NRF1: variants seen among roughly 807,000 people sequenced by gnomAD.
NRF1 encodes alpha palindromic-binding protein.
NRF1 carries 5 observed loss-of-function variants against 58.5 expected under a neutral mutation model. The ratio of observed to expected loss-of-function variants is 0.09; its 90% CI spans 0.04 to 0.18. The LOEUF (loss-of-function observed/expected upper bound fraction) is 0.18. Among genes scored for constraint, NRF1 ranks in the 10% least tolerant of loss-of-function variants. NRF1 has a pLI of 1.00. For missense variants in NRF1, 288 were observed against 657.7 expected (o/e 0.44, Z 6.15); for synonymous variants, 224 against 246.7 (o/e 0.91, Z 0.86).
chr7:129,709,022 A>G, intron 5 of NRF1, 53 bp from the exon 6 acceptor site: 5 of 1,341,838 alleles, frequency 3.7e-6, no homozygotes, highest in Non-Finnish European at 2.9e-6. Context: ...GGAGTCATAA[A>G]CACACCCCAG....
intron 10 of NRF1, among the ~76,000 whole-genome samples, chr7:129,747,771 T>TG (rs1248723197): frequency 6.6e-6 from 1 of 152,208 alleles, no homozygotes; most frequent in African/African-American, 2.4e-5. Context: ...AAAATGCACC[T>TG]GATCTGCAGC....
chr7:129,633,969 C>T (rs1801108166), intron 1 of NRF1, among the ~76,000 whole-genome samples: 1 of 149,568 alleles, frequency 6.7e-6, no homozygotes, highest in Admixed American at 6.7e-5. Context: ...GCCTGAAAAT[C>T]CCTGTACCCC....
chr7:129,647,404 C>CTT (rs1274782003), intron 1 of NRF1, among the ~76,000 whole-genome samples: 28 of 131,570 alleles, frequency 2.1e-4, no homozygotes, highest in African/African-American at 4.5e-4. Context: ...TCTTTTCTTG[C>CTT]TTTTTTTTTT....
rs67190499 is a variant in NRF1, at chr7:129,619,490, G to GTATATATATA, written c.-7+7680_-7+7689dup. On this transcript the variant is annotated intron_variant, in intron 1 of 10. Transcript: ENST00000393232. ...TGTGTGTGTGTGTGTGTGTGTGTGT[G>GTATATATATA]TATATATATATATATATATATATGT... Among the ~76,000 whole-genome samples the GTATATATATA allele has an allele frequency of 2.3e-3, 112 of 48,512 alleles. 1 individual carries two copies. The highest frequency in any genetic ancestry group is 7.0e-3 in the African/African-American group (70 of 9,964). The allele number at this position is 48,512 out of a possible 152,430, so 31.8% of individuals were successfully genotyped here.
intron 5 of NRF1, among the ~76,000 whole-genome samples, chr7:129,699,225 C>G (rs565697116): frequency 6.6e-6 from 1 of 152,182 alleles, no homozygotes; most frequent in Non-Finnish European, 1.5e-5. Flanking sequence ...GTTATTCACA[C>G]GGCTTTTGAG....
At chr7:129,671,279 G>A (rs1562965873) in intron 2 of NRF1, 150 bp from the exon 3 acceptor site, 1 of 530,650 alleles carries the variant, frequency 1.9e-6, no homozygotes, top group Non-Finnish European at 3.3e-6. Context: ...TTAAACAATA[G>A]TGAAGTATAT....
At chr7:129,730,046 G>A (rs1803541829) in intron 10 of NRF1, among the ~76,000 whole-genome samples, 1 of 152,104 alleles carries the variant, frequency 6.6e-6, no homozygotes, top group Non-Finnish European at 1.5e-5. Context: ...GACTGGTCTT[G>A]AACTCTGGCC....
chr7:129,632,529 C>G (rs936619055), intron 1 of NRF1, among the ~76,000 whole-genome samples: 11 of 152,038 alleles, frequency 7.2e-5, no homozygotes, highest in African/African-American at 2.7e-4. Context: ...GGCACCCCTT[C>G]CCCATCCTAG....
chr7:129,744,804 T>G (rs1347132260), intron 10 of NRF1, among the ~76,000 whole-genome samples: 1 of 152,160 alleles, frequency 6.6e-6, no homozygotes, highest in Non-Finnish European at 1.5e-5. Flanking sequence ...TTTTGTGGTT[T>G]TTTTCCTAAA....
At chr7:129,713,509 C>A (rs1584664918) in intron 8 of NRF1, among the ~76,000 whole-genome samples, 1 of 152,090 alleles carries the variant, frequency 6.6e-6, no homozygotes, top group East Asian at 1.9e-4. Context: ...GTCAGTTTAC[C>A]TTAAATATGG....
intron 1 of NRF1, among the ~76,000 whole-genome samples, chr7:129,655,751 A>G (rs1259989848): frequency 6.6e-6 from 1 of 152,078 alleles, no homozygotes; most frequent in African/African-American, 2.4e-5. Context: ...CGAACTCCCT[A>G]CCTCAGGTGA....
intron 5 of NRF1, among the ~76,000 whole-genome samples, chr7:129,701,628 A>C (rs1802827814): frequency 6.6e-6 from 1 of 151,760 alleles, no homozygotes; most frequent in Admixed American, 6.6e-5. Context: ...AAAGAGAGAA[A>C]ACTTGGTAAT....
chr7:129,687,528 G>A lies in NRF1; in HGVS notation c.466-2878G>A, dbSNP rs974417178. On this transcript the variant is annotated intron_variant, in intron 4 of 10. Coordinates refer to ENST00000393232, the MANE Select transcript of NRF1 (RefSeq NM_005011.5). ...TGACCTCAGGTGATCTGCCCGCCTC[G>A]GCCTCCCAAAGTGCTGGGATTACAG... Among the ~76,000 whole-genome samples, 28 of 152,144 alleles carry A rather than the reference G, an allele frequency of 1.8e-4. 1 individual carries two copies. The highest frequency in any genetic ancestry group is 6.2e-4 in the South Asian group (3 of 4,808).
intron 1 of NRF1, among the ~76,000 whole-genome samples, chr7:129,648,048 A>G (rs1801449164): frequency 6.6e-6 from 1 of 152,216 alleles, no homozygotes; most frequent in African/African-American, 2.4e-5. Context: ...AAGTCAAAGT[A>G]ATACATTCAT....
At chr7:129,735,092 T>TC (rs1235115051) in intron 10 of NRF1, 1 of 985,204 alleles carries the variant, frequency 1.0e-6, no homozygotes, top group Non-Finnish European at 1.2e-6. Flanking sequence ...TTGCTTGGGG[T>TC]CCCCCAGAGA....
chr7:129,618,401 A>G (rs1027395963), intron 1 of NRF1, among the ~76,000 whole-genome samples: 4 of 152,346 alleles, frequency 2.6e-5, no homozygotes, highest in Admixed American at 6.5e-5. Flanking sequence ...AATGCCATAT[A>G]GAAACTGCAG....
intron 10 of NRF1, among the ~76,000 whole-genome samples, chr7:129,737,780 T>C (rs776039651): frequency 1.3e-5 from 2 of 152,236 alleles, no homozygotes; most frequent in Admixed American, 6.5e-5. Context: ...ATAGTCTTAG[T>C]GTAAGAGTGC....
At chr7:129,634,129 G>A (rs1801120759) in intron 1 of NRF1, among the ~76,000 whole-genome samples, 3 of 149,854 alleles carry the variant, frequency 2.0e-5, no homozygotes, top group Non-Finnish European at 4.4e-5. Flanking sequence ...AAATTGAGTG[G>A]AGAGTATGGA....
rs11459879 is a variant in NRF1 at position 129,713,111 on chromosome 7, T to TC, written c.1065+1537dup. ...GCGTTTCCTTTTTTTTTTTTTTTTT[T>TC]CCTGAGACGGAATCTCACTCTGTGG... On this transcript the variant is annotated intron_variant, in intron 8 of 10. Coordinates refer to ENST00000393232, the MANE Select transcript of NRF1 (RefSeq NM_005011.5). Among the ~76,000 whole-genome samples the TC allele has an allele frequency of 2.7e-5, 4 of 150,222 alleles. No homozygotes were observed. In the East Asian group the frequency reaches 7.7e-4, roughly 29 times the overall value.
Sources: allele counts gnomAD v4.1 joint callset (sites outside exome capture counted in the v4.1 genomes callset), GRCh38; gene constraint gnomAD v4.1.1; transcripts MANE v1.5; gene names NCBI Gene and HGNC (gene_info 2026-07-23, HGNC 2026-07-21).